Variants in CSMD1 observed in about 807,000 individuals in gnomAD.
The protein encoded by CSMD1 is CUB and Sushi multiple domains 1.
Under a neutral mutation model 417.5 loss-of-function variants are expected in CSMD1, and 213 were observed. The ratio of observed to expected loss-of-function variants is 0.51; its 90% CI spans 0.46 to 0.57. CSMD1 has a LOEUF of 0.57. Ranked by LOEUF, CSMD1 falls within the 20% of genes least tolerant of loss-of-function variation. The probability of loss-of-function intolerance (pLI) is 0.00; values close to 1 mark genes in which losing one functional copy is unlikely to be tolerated. For synonymous variants in CSMD1, 2,862 were observed against 1,736.8 expected, an observed-to-expected ratio of 1.65 and a Z score of -16.11; for missense variants, 6,923 against 4,529.7, an observed-to-expected ratio of 1.53 and a Z score of -15.17.
At chr8:3,617,537 G>C (rs942945790) in intron 7 of CSMD1, among the ~76,000 whole-genome samples, 5 of 152,078 alleles carry the variant, frequency 3.3e-5, no homozygotes, top group Non-Finnish European at 5.9e-5. Flanking sequence ...TGAGATGTGA[G>C]GGGAAGTCCA....
chr8:4,967,149 T>C (rs938775198), intron 1 of CSMD1, among the ~76,000 whole-genome samples: 5 of 152,186 alleles, frequency 3.3e-5, no homozygotes, highest in African/African-American at 1.2e-4. Flanking sequence ...AAGAGACTCC[T>C]TGTATTCGGA....
At chr8:3,350,346 C>G (rs1266858984) in intron 21 of CSMD1, among the ~76,000 whole-genome samples, 2 of 144,204 alleles carry the variant, frequency 1.4e-5, no homozygotes, top group Non-Finnish European at 3.1e-5. Flanking sequence ...GTTATAATAC[C>G]TATAATAACC....
At chr8:3,750,878 C>G (rs1007422120) in intron 6 of CSMD1, among the ~76,000 whole-genome samples, 2 of 152,176 alleles carry the variant, frequency 1.3e-5, no homozygotes, top group Admixed American at 1.3e-4. Context: ...TCCTTGGTAA[C>G]AGTTCTGCCC....
intron 5 of CSMD1, among the ~76,000 whole-genome samples, chr8:3,896,538 G>C (rs1463758055): frequency 6.6e-6 from 1 of 151,826 alleles, no homozygotes; most frequent in Non-Finnish European, 1.5e-5. Flanking sequence ...TTGAGACAGA[G>C]TCTCGCTCTG....
intron 3 of CSMD1, among the ~76,000 whole-genome samples, chr8:4,306,799 T>G (rs1458694770): frequency 6.6e-6 from 1 of 151,456 alleles, no homozygotes; most frequent in Non-Finnish European, 1.5e-5. Flanking sequence ...TCTTCCATTC[T>G]CCATAGCACC....
At chr8:3,981,021 T>C (rs184348786) in intron 5 of CSMD1, among the ~76,000 whole-genome samples, 13 of 152,320 alleles carry the variant, frequency 8.5e-5, no homozygotes, top group African/African-American at 2.9e-4. Context: ...AAGGTTCAAC[T>C]ATCCTGTAGT....
At chr8:3,793,751 TG>T (rs1369505710) in intron 5 of CSMD1, among the ~76,000 whole-genome samples, 17 of 152,158 alleles carry the variant, frequency 1.1e-4, no homozygotes, top group African/African-American at 3.9e-4. Context: ...AGGATCTCTC[TG>T]GAACTGGTAG....
At chr8:4,985,125 AC>A (rs1811106634) in intron 1 of CSMD1, among the ~76,000 whole-genome samples, 1 of 152,116 alleles carries the variant, frequency 6.6e-6, no homozygotes, top group Non-Finnish European at 1.5e-5. Context: ...AAAATCAAAT[AC>A]CACTGTTCTC....
intron 30 of CSMD1, among the ~76,000 whole-genome samples, chr8:3,210,334 T>A (rs958261464): frequency 1.2e-5 from 1 of 81,704 alleles, no homozygotes; most frequent in East Asian, 3.6e-4. Flanking sequence ...TGATGACTAG[T>A]AAAATAAATT....
chr8:4,159,982 G>T (rs546688797), intron 3 of CSMD1, among the ~76,000 whole-genome samples: 1 of 151,922 alleles, frequency 6.6e-6, no homozygotes, highest in Admixed American at 6.6e-5. Flanking sequence ...TACCAATTGG[G>T]TTCAATGTAT....
At chr8:4,254,328 G>A (rs146207965) in intron 3 of CSMD1, among the ~76,000 whole-genome samples, 3 of 152,060 alleles carry the variant, frequency 2.0e-5, no homozygotes, top group Non-Finnish European at 4.4e-5. Context: ...GATAACATTC[G>A]TTCTATGGAG....
At chr8:4,775,204 T>C (rs1796787663) in intron 1 of CSMD1, among the ~76,000 whole-genome samples, 1 of 152,182 alleles carries the variant, frequency 6.6e-6, no homozygotes, top group African/African-American at 2.4e-5. Flanking sequence ...TATTTTTTTC[T>C]GATTGTAGGA....
At chr8:3,506,099 G>A (rs751492656) in intron 10 of CSMD1, among the ~76,000 whole-genome samples, 1 of 152,196 alleles carries the variant, frequency 6.6e-6, no homozygotes, top group Admixed American at 6.5e-5. Context: ...CTCATAAGGA[G>A]GTGTCTCATC....
chr8:2,949,514 A>AT lies in CSMD1; in HGVS notation c.10315-129dup, dbSNP rs1372919354. On this transcript the variant is annotated intron_variant, in intron 67 of 69. Transcript: ENST00000635120. Reference sequence around the variant, plus strand: ...TTAGATACTACTGGTTAAATGTTTTATTTTTGCCATGGCTTTTGGTGACAC... The same window carrying AT: ...TTAGATACTACTGGTTAAATGTTTTATTTTTTGCCATGGCTTTTGGTGACAC... The AT allele has an allele frequency of 5.1e-5, 24 of 466,256 alleles. No individual in the cohort carries two copies. In the East Asian group the frequency reaches 8.6e-4, roughly 17 times the overall value. The allele number at this position is 466,256 out of a possible 1,614,324, so 28.9% of individuals were successfully genotyped here.
intron 5 of CSMD1, among the ~76,000 whole-genome samples, chr8:3,992,708 G>C (rs977948211): frequency 6.6e-6 from 1 of 152,190 alleles, no homozygotes; most frequent in Admixed American, 6.5e-5. Context: ...TTCAGTCCAG[G>C]AGTTTGAGGC....
rs537129256 is a variant in CSMD1 at position 3,151,171 on chromosome 8, C to A, written c.6031+226G>T. On this transcript the variant is annotated intron_variant, in intron 40 of 69. Coordinates refer to ENST00000635120, the MANE Select transcript of CSMD1 (RefSeq NM_033225.6). The stretch of plus-strand genomic sequence containing the variant: ...TTCGTATGCCTACTATATCATCATT[C>A]GGCCAATTTAATTTGCCTTGAAAAG... The A allele has an allele frequency of 6.6e-5, 30 of 453,110 alleles. 1 individual carries two copies. In the South Asian group the frequency reaches 7.7e-4, roughly 12 times the overall value. The allele number at this position is 453,110 out of a possible 1,614,324, so 28.1% of individuals were successfully genotyped here. A position where few individuals can be genotyped will look rare whatever the true frequency, so the allele number is the denominator to read the frequency against.
chr8:4,136,252 G>C (rs1346567833), intron 3 of CSMD1, among the ~76,000 whole-genome samples: 5 of 152,212 alleles, frequency 3.3e-5, no homozygotes, highest in Admixed American at 6.5e-5. Context: ...AGACTTGACA[G>C]ATTGTAACTT....
At chr8:4,317,786 A>C (rs540688029) in intron 3 of CSMD1, among the ~76,000 whole-genome samples, 2 of 152,278 alleles carry the variant, frequency 1.3e-5, no homozygotes, top group South Asian at 4.1e-4. Flanking sequence ...TTTCTTTTAT[A>C]TAGTAAAGTG....
chr8:3,709,217 A>C (rs1585112010), intron 6 of CSMD1, among the ~76,000 whole-genome samples: 2 of 151,738 alleles, frequency 1.3e-5, no homozygotes, highest in East Asian at 3.9e-4. Flanking sequence ...ATAGAATATA[A>C]AATGTTATGA....
Sources: allele counts gnomAD v4.1 joint callset (sites outside exome capture counted in the v4.1 genomes callset), GRCh38; gene constraint gnomAD v4.1.1; transcripts MANE v1.5; gene names NCBI Gene and HGNC (gene_info 2026-07-23, HGNC 2026-07-21).